Variants in TBC1D5 observed in about 807,000 individuals in gnomAD.
The protein encoded by TBC1D5 is TBC1 domain family, member 5.
A neutral mutation model predicts 100.3 loss-of-function variants in TBC1D5; 75 were observed. The ratio of observed to expected loss-of-function variants is 0.75; its 90% CI spans 0.62 to 0.91. TBC1D5 has a LOEUF of 0.91. Among genes scored for constraint, TBC1D5 ranks in the 40% least tolerant of loss-of-function variants. TBC1D5 has a pLI of 0.00. For synonymous variants in TBC1D5, 323 were observed against 325.6 expected, an observed-to-expected ratio of 0.99 and a Z score of 0.09; for missense variants, 910 against 942.4, an observed-to-expected ratio of 0.97 and a Z score of 0.45.
intron 2 of TBC1D5, among the ~76,000 whole-genome samples, chr3:17,566,029 C>A (rs1261810554): frequency 1.3e-5 from 2 of 151,926 alleles, no homozygotes; most frequent in African/African-American, 4.8e-5. Context: ...ATTAAAGTGA[C>A]AATTTCCTCA....
chr3:17,409,150 T>C (rs1037041122), intron 4 of TBC1D5, among the ~76,000 whole-genome samples: 8 of 152,196 alleles, frequency 5.3e-5, no homozygotes, highest in Non-Finnish European at 2.9e-5. Context: ...TGTGGCAACC[T>C]TGCATTGAGC....
chr3:17,421,088 G>A (rs1308826039), intron 4 of TBC1D5, among the ~76,000 whole-genome samples: 3 of 152,046 alleles, frequency 2.0e-5, no homozygotes, highest in Non-Finnish European at 4.4e-5. Context: ...CAAAATAGAG[G>A]GTAACATTTT....
At chr3:17,342,627 A>G (rs956008441) in intron 13 of TBC1D5, among the ~76,000 whole-genome samples, 4 of 152,220 alleles carry the variant, frequency 2.6e-5, no homozygotes, top group African/African-American at 9.6e-5. Context: ...AGCAATCTGT[A>G]TATGTCTCAG....
intron 1 of TBC1D5, among the ~76,000 whole-genome samples, chr3:17,697,055 T>C (rs13085441): frequency 0.7 from 106,871 of 152,118 alleles, 37,987 homozygotes; most frequent in East Asian, 0.99. Context: ...AATTCAACAG[T>C]ATTTCATGCT....
At chr3:17,532,110 A>G (rs1283920552) in intron 2 of TBC1D5, among the ~76,000 whole-genome samples, 9 of 152,252 alleles carry the variant, frequency 5.9e-5, no homozygotes, top group Non-Finnish European at 1.3e-4. Flanking sequence ...AATATCCAGA[A>G]TCTACAATGA....
At chr3:17,297,903 C>T (rs1266245230) in intron 14 of TBC1D5, among the ~76,000 whole-genome samples, 1 of 152,066 alleles carries the variant, frequency 6.6e-6, no homozygotes, top group Non-Finnish European at 1.5e-5. Context: ...AAAACAAAGT[C>T]TTTTAATGCA....
At chr3:17,544,850 C>T (rs892285122) in intron 2 of TBC1D5, among the ~76,000 whole-genome samples, 10 of 152,150 alleles carry the variant, frequency 6.6e-5, no homozygotes, top group Non-Finnish European at 1.3e-4. Context: ...AGCTGCCAAA[C>T]TGCTAATATG....
chr3:17,532,589 A>C (rs1431713207), intron 2 of TBC1D5, among the ~76,000 whole-genome samples: 1 of 152,194 alleles, frequency 6.6e-6, no homozygotes, highest in Non-Finnish European at 1.5e-5. Flanking sequence ...ACCAACCCAA[A>C]TGTCCAACAA....
chr3:17,710,814 C>T (rs1050136972), intron 1 of TBC1D5, among the ~76,000 whole-genome samples: 11 of 151,978 alleles, frequency 7.2e-5, no homozygotes, highest in African/African-American at 2.2e-4. Flanking sequence ...TCTCCTGCCT[C>T]GGCCTCCTGA....
chr3:17,340,361 ACAAT>A (rs1333652195), intron 13 of TBC1D5, among the ~76,000 whole-genome samples: 2 of 152,200 alleles, frequency 1.3e-5, no homozygotes, highest in Non-Finnish European at 2.9e-5. Context: ...CGGCCTTCAG[ACAAT>A]CAGGAGTTTG....
At chr3:17,221,277 T>A (rs1053725368) in intron 17 of TBC1D5, among the ~76,000 whole-genome samples, 3 of 150,436 alleles carry the variant, frequency 2.0e-5, no homozygotes, top group Non-Finnish European at 3.0e-5. Flanking sequence ...TGTGAGTTCT[T>A]TTTTTTTTAA....
chr3:17,220,955 G>C (rs1167832929), intron 17 of TBC1D5, among the ~76,000 whole-genome samples: 2 of 152,118 alleles, frequency 1.3e-5, no homozygotes, highest in South Asian at 2.1e-4. Flanking sequence ...TTGGATTATT[G>C]ACTTATACCC....
chr3:17,258,659 A>G, intron 15 of TBC1D5, 68 bp from the exon 16 acceptor site: 5 of 1,249,808 alleles, frequency 4.0e-6, no homozygotes, highest in Middle Eastern at 2.6e-4. Flanking sequence ...AGAGGACAGC[A>G]ATGATCATTT....
intron 16 of TBC1D5, among the ~76,000 whole-genome samples, chr3:17,256,733 G>A (rs2077728799): frequency 6.6e-6 from 1 of 152,182 alleles, no homozygotes; most frequent in South Asian, 2.1e-4. Flanking sequence ...TTAGATTTTA[G>A]TGGAGACGTT....
chr3:17,361,347 T>C (rs559723297), intron 13 of TBC1D5, among the ~76,000 whole-genome samples: 1 of 152,140 alleles, frequency 6.6e-6, no homozygotes, highest in African/African-American at 2.4e-5. Context: ...AAATTTATAA[T>C]TATAGCTGGA....
intron 2 of TBC1D5, among the ~76,000 whole-genome samples, chr3:17,618,661 C>T (rs551804894): frequency 5.3e-5 from 8 of 152,368 alleles, no homozygotes; most frequent in Admixed American, 2.6e-4. Context: ...TCTCAGACTG[C>T]TGTGCTAGCA....
intron 19 of TBC1D5, among the ~76,000 whole-genome samples, chr3:17,171,646 C>T (rs2125229401): frequency 6.6e-6 from 1 of 152,234 alleles, no homozygotes; most frequent in South Asian, 2.1e-4. Context: ...CTTATAAGGA[C>T]ACCAGCCACT....
At chr3:17,331,252 C>T (rs2086829679) in intron 13 of TBC1D5, among the ~76,000 whole-genome samples, 1 of 152,116 alleles carries the variant, frequency 6.6e-6, no homozygotes, top group Admixed American at 6.6e-5. Context: ...CAACTCCAGC[C>T]CCTCTAATCA....
chr3:17,571,180 G>A (rs2096624909), intron 2 of TBC1D5, among the ~76,000 whole-genome samples: 2 of 151,954 alleles, frequency 1.3e-5, no homozygotes, highest in African/African-American at 4.8e-5. Context: ...AGTCAATCAA[G>A]AAACTTGATT....
Sources: gnomAD v4.1 joint callset for allele counts (sites outside exome capture counted in the v4.1 genomes callset) on GRCh38, gnomAD v4.1.1 for gene constraint, MANE v1.5 for transcripts, NCBI Gene and HGNC (gene_info 2026-07-23, HGNC 2026-07-21) for gene names.